ZFHX3: variants seen among roughly 807,000 people sequenced by gnomAD.
ZFHX3 encodes the protein zinc finger homeobox 3, also known as zinc finger homeobox protein 3.
A neutral mutation model predicts 279.1 loss-of-function variants in ZFHX3; 42 were observed. The observed-to-expected ratio is 0.15, with a 90% CI of 0.12 to 0.19. ZFHX3 has a LOEUF of 0.19. Among genes scored for constraint, ZFHX3 ranks in the 10% least tolerant of loss-of-function variants. The probability of loss-of-function intolerance (pLI) is 1.00; values close to 1 mark genes in which losing one functional copy is unlikely to be tolerated. For synonymous variants in ZFHX3, 2,293 were observed against 1,957.8 expected (o/e 1.17, Z -4.52); for missense variants, 4,981 against 4,754.0 (o/e 1.05, Z -1.40).
chr16:73,270,317 G>A (rs2014105062), intron 4 of ZFHX3, among the ~76,000 whole-genome samples: 2 of 152,130 alleles, frequency 1.3e-5, no homozygotes, highest in East Asian at 1.9e-4. Context: ...TTATTTTAGT[G>A]GGAATTTGTC....
At chr16:73,174,013 T>A (rs1967600797) in intron 5 of ZFHX3, among the ~76,000 whole-genome samples, 1 of 152,188 alleles carries the variant, frequency 6.6e-6, no homozygotes, top group African/African-American at 2.4e-5. Flanking sequence ...AACTTTGCAG[T>A]TAGTTTCCGG....
At chr16:73,401,005 T>TACA (rs1255664395) in intron 3 of ZFHX3, 1 of 152,120 alleles carries the variant, frequency 6.6e-6, no homozygotes, top group Non-Finnish European at 1.5e-5. Context: ...CTGGCTCCGG[T>TACA]ACAGGAAGGC....
chr16:73,693,434 C>T (rs911644345), intron 1 of ZFHX3, among the ~76,000 whole-genome samples: 2 of 152,074 alleles, frequency 1.3e-5, no homozygotes, highest in Non-Finnish European at 2.9e-5. Context: ...ATTAGGGCTT[C>T]TCAAGACATT....
chr16:72,883,833 T>C lies in ZFHX3; in HGVS notation c.3448+5898A>G, dbSNP rs1207379576. Among the ~76,000 whole-genome samples the C allele has an allele frequency of 2.0e-5, 3 of 152,174 alleles. No individual in the cohort carries two copies. The East Asian group carries it at 5.8e-4, about 29-fold the overall frequency. Reference sequence around the variant, plus strand: ...GCACTTTTACATTTAACTTCTCTAGTTAAAAATACTTTAAGTTCCTATACC... The same window carrying C: ...GCACTTTTACATTTAACTTCTCTAGCTAAAAATACTTTAAGTTCCTATACC... On this transcript the variant is annotated intron_variant, in intron 4 of 9. Transcript: ENST00000268489.
chr16:73,280,167 C>T (rs536898621), intron 4 of ZFHX3, among the ~76,000 whole-genome samples: 2 of 152,240 alleles, frequency 1.3e-5, no homozygotes, highest in South Asian at 4.1e-4. Context: ...CCATAACACT[C>T]TTAGAAGAGA....
chr16:73,357,328 A>G (rs1465381010), intron 3 of ZFHX3, among the ~76,000 whole-genome samples: 1 of 151,132 alleles, frequency 6.6e-6, no homozygotes, highest in Non-Finnish European at 1.5e-5. Flanking sequence ...TTAATTACAA[A>G]AAATAACAAA....
chr16:73,394,551 C>A (rs2017089248), intron 3 of ZFHX3, among the ~76,000 whole-genome samples: 1 of 152,124 alleles, frequency 6.6e-6, no homozygotes, highest in South Asian at 2.1e-4. Context: ...CCTGCCTCGG[C>A]CTCCCAAAGT....
intron 1 of ZFHX3, among the ~76,000 whole-genome samples, chr16:73,710,268 T>C (rs1225924051): frequency 1.3e-5 from 2 of 152,208 alleles, no homozygotes; most frequent in Admixed American, 6.5e-5. Context: ...CCCATTTAGC[T>C]GTTATACTTA....
intron 2 of ZFHX3, among the ~76,000 whole-genome samples, chr16:73,551,805 G>A (rs1374371075): frequency 2.0e-5 from 3 of 152,206 alleles, no homozygotes; most frequent in Non-Finnish European, 4.4e-5. Context: ...TATAGATTCA[G>A]AGACTTCAAA....
At chr16:73,058,445 G>A in intron 1 of ZFHX3, 1 of 182,250 alleles carries the variant, frequency 5.5e-6, no homozygotes. Context: ...GGAGCCCCGC[G>A]TCCGGGCGGT....
intron 4 of ZFHX3, among the ~76,000 whole-genome samples, chr16:73,309,111 T>C (rs2015263393): frequency 6.6e-6 from 1 of 152,214 alleles, no homozygotes; most frequent in African/African-American, 2.4e-5. Flanking sequence ...CAGGGCTACA[T>C]GTGCAGGTTT....
intron 2 of ZFHX3, among the ~76,000 whole-genome samples, chr16:73,469,852 G>C (rs1366001761): frequency 1.3e-5 from 2 of 152,084 alleles, no homozygotes; most frequent in African/African-American, 4.8e-5. Flanking sequence ...TCCTGACCTC[G>C]TGATGCACCC....
chr16:73,197,813 T>G (rs554799151), intron 5 of ZFHX3, among the ~76,000 whole-genome samples: 1 of 152,112 alleles, frequency 6.6e-6, no homozygotes, highest in African/African-American at 2.4e-5. Flanking sequence ...TTTCAGTTTA[T>G]GGTTATTACC....
At chr16:73,023,260 T>C (rs1964372283) in intron 1 of ZFHX3, among the ~76,000 whole-genome samples, 1 of 152,078 alleles carries the variant, frequency 6.6e-6, no homozygotes. Flanking sequence ...AAATATAGTA[T>C]TTGCTGAACA....
chr16:73,882,352 G>A (rs1040961652), intron 1 of ZFHX3, among the ~76,000 whole-genome samples: 2 of 152,020 alleles, frequency 1.3e-5, no homozygotes, highest in Admixed American at 6.6e-5. Flanking sequence ...TGTCAAAAAA[G>A]CTTTAAAGGA....
chr16:73,034,749 T>C (rs928275012), intron 1 of ZFHX3, among the ~76,000 whole-genome samples: 1 of 152,250 alleles, frequency 6.6e-6, no homozygotes, highest in Non-Finnish European at 1.5e-5. Context: ...CTGCCACTGC[T>C]GGTCTTCTGC....
At chr16:73,791,666 G>A (rs941590693) in intron 1 of ZFHX3, among the ~76,000 whole-genome samples, 19 of 150,188 alleles carry the variant, frequency 1.3e-4, no homozygotes, top group Admixed American at 2.0e-4. Flanking sequence ...CTCGTGTTCC[G>A]TCCACCTCGG....
chr16:73,326,403 G>C (rs1416211481), intron 3 of ZFHX3, among the ~76,000 whole-genome samples: 8 of 152,112 alleles, frequency 5.3e-5, no homozygotes, highest in Non-Finnish European at 5.9e-5. Flanking sequence ...AATGCAGTGG[G>C]TGCTCATGAG....
At chr16:73,231,747 C>T (rs1406656786) in intron 5 of ZFHX3, among the ~76,000 whole-genome samples, 1 of 152,118 alleles carries the variant, frequency 6.6e-6, no homozygotes, top group Non-Finnish European at 1.5e-5. Context: ...CTTCAGTTCT[C>T]GTTAAATTCC....
Sources: allele counts gnomAD v4.1 joint callset (sites outside exome capture counted in the v4.1 genomes callset), GRCh38; gene constraint gnomAD v4.1.1; transcripts MANE v1.5; gene names NCBI Gene and HGNC (gene_info 2026-07-23, HGNC 2026-07-21).